Variants in TPX2 observed in about 807,000 individuals in gnomAD.
The protein encoded by TPX2 is targeting protein for Xklp2.
TPX2 carries 21 observed loss-of-function variants against 93.6 expected under a neutral mutation model. The ratio of observed to expected loss-of-function variants is 0.22; its 90% CI spans 0.16 to 0.32. The LOEUF is 0.32. Ranked by LOEUF, TPX2 falls within the 10% of genes least tolerant of loss-of-function variation. The probability of loss-of-function intolerance (pLI) is 1.00; values close to 1 mark genes in which losing one functional copy is unlikely to be tolerated. For missense variants in TPX2, 776 were observed against 871.1 expected (o/e 0.89, Z 1.37); for synonymous variants, 281 against 298.3 (o/e 0.94, Z 0.60).
intron 7 of TPX2, among the ~76,000 whole-genome samples, chr20:31,772,047 G>A (rs889761072): frequency 7.0e-6 from 1 of 142,232 alleles, no homozygotes; most frequent in Non-Finnish European, 1.5e-5. Flanking sequence ...TTGAGACAGA[G>A]GCTCACTCTG....
intron 2 of TPX2, among the ~76,000 whole-genome samples, chr20:31,744,469 A>G (rs528932045): frequency 2.6e-4 from 40 of 152,000 alleles, no homozygotes; most frequent in Non-Finnish European, 4.4e-4. Context: ...TAATTTTTTT[A>G]ACTTAATAAT....
At chr20:31,755,657 A>G (rs2061847429) in intron 2 of TPX2, among the ~76,000 whole-genome samples, 2 of 151,686 alleles carry the variant, frequency 1.3e-5, no homozygotes, top group South Asian at 4.2e-4. Context: ...CAGCTACTAG[A>G]GACTGAGGCA....
At chr20:31,774,740 G>C (rs1421887096) in intron 7 of TPX2, among the ~76,000 whole-genome samples, 1 of 152,094 alleles carries the variant, frequency 6.6e-6, no homozygotes, top group Admixed American at 6.6e-5. Flanking sequence ...TTAACCCTAG[G>C]TTGTAGATAC....
At chr20:31,784,738 G>A (rs919335916) in intron 12 of TPX2, among the ~76,000 whole-genome samples, 1 of 152,196 alleles carries the variant, frequency 6.6e-6, no homozygotes, top group Non-Finnish European at 1.5e-5. Context: ...GTTGTAGTTT[G>A]ATAATAGGCT....
intron 12 of TPX2, among the ~76,000 whole-genome samples, chr20:31,791,800 T>C (rs1336398947): frequency 1.3e-5 from 2 of 152,120 alleles, no homozygotes; most frequent in Admixed American, 1.3e-4. Flanking sequence ...TGGACACGAG[T>C]GTAACAAGAA....
Position 31,763,311 on chromosome 20 carries a change from C to T in TPX2, c.229+3132C>T, listed in dbSNP as rs373914040. 1.2e-4 allele frequency among the ~76,000 whole-genome samples: 18 copies of T among 152,076 alleles called. No individual in the cohort carries two copies. The East Asian group carries it at 1.5e-3, about 13-fold the overall frequency. ...TCTCCTGCCTCAGCCTCTGGAGTAG[C>T]TGGGATTACAGGCATCTGCCACCAC... is the stretch of plus-strand genomic sequence containing the variant. On this transcript the variant is annotated intron_variant, in intron 4 of 17. Coordinates refer to ENST00000300403, the MANE Select transcript of TPX2 (RefSeq NM_012112.5).
At chr20:31,789,409 G>A (rs1221542813) in intron 12 of TPX2, among the ~76,000 whole-genome samples, 1 of 152,038 alleles carries the variant, frequency 6.6e-6, no homozygotes, top group Non-Finnish European at 1.5e-5. Context: ...TATAAGACAC[G>A]GCCCTTGTCC....
Position 31,783,776 on chromosome 20 carries a change from C to T in TPX2, c.1268C>T (p.Pro423Leu), listed in dbSNP as rs1345654123. ...GGGCCCATCTTGCCCAAGAAACCAC[C>T]TGTGAAACCACCCACCGAGCCTATT... ...EGGPILPKKP[P>L]VKPPTEPIGF... Residue 423 changes from proline (P) to leucine (L), a missense_variant, in exon 12 of 18, where the codon CCT becomes CTT. Coordinates refer to ENST00000300403, the MANE Select transcript of TPX2 (RefSeq NM_012112.5). 23 of 1,613,406 alleles carry T rather than the reference C, an allele frequency of 1.4e-5. No homozygotes were observed. Among genetic ancestry groups the T allele is most frequent in the Non-Finnish European group, 1.9e-5 (23 of 1,179,806 alleles).
intron 10 of TPX2, 134 bp from the exon 11 acceptor site, chr20:31,782,115 A>G: frequency 1.7e-6 from 2 of 1,176,220 alleles, no homozygotes; most frequent in Non-Finnish European, 2.4e-6. Flanking sequence ...TGACCAATGT[A>G]AGCTGAGCTG....
chr20:31,770,586 G>T, intron 6 of TPX2, 115 bp downstream of exon 6: 1 of 1,003,116 alleles, frequency 1.0e-6, no homozygotes, highest in East Asian at 3.0e-5. Context: ...ATTAAAAATG[G>T]TACATCTGTA....
chr20:31,778,278 T>C (rs1228461511), intron 9 of TPX2, among the ~76,000 whole-genome samples: 1 of 152,194 alleles, frequency 6.6e-6, no homozygotes, highest in African/African-American at 2.4e-5. Context: ...TTATGCTTCT[T>C]TCTTTGAGAT....
Position 31,792,920 on chromosome 20 carries a change from AG to A in TPX2, c.1509+92del, listed in dbSNP as rs2062111860. On this transcript the variant is annotated intron_variant, in intron 13 of 17. Transcript: ENST00000300403. ...ATTTATTAATCTTAATGGAGTTCAA[AG>A]GCAACCACTCTTTTTTGGACTTGTC... 3.4e-6 allele frequency: 4 copies of A among 1,189,024 alleles called. No homozygotes were observed. The South Asian group carries it at 5.2e-5, about 15-fold the overall frequency. The allele number at this position is 1,189,024 out of a possible 1,614,324, so 73.7% of individuals were successfully genotyped here.
At chr20:31,747,145 A>G (rs1353691248) in intron 2 of TPX2, among the ~76,000 whole-genome samples, 1 of 152,098 alleles carries the variant, frequency 6.6e-6, no homozygotes, top group Non-Finnish European at 1.5e-5. Flanking sequence ...TTGTTTGAGA[A>G]GGAGTCTCGC....
chr20:31,782,968 T>G (rs940465274), intron 11 of TPX2, among the ~76,000 whole-genome samples: 2 of 150,834 alleles, frequency 1.3e-5, no homozygotes, highest in African/African-American at 4.9e-5. Flanking sequence ...AAGAACTTAC[T>G]TAGGATTTCA....
In TPX2 at chr20:31,766,797, T is replaced by A. The variant is rs1316021144; in HGVS notation, c.356+115T>A. On this transcript the variant is annotated intron_variant, in intron 5 of 17. Transcript: ENST00000300403. ...TGTTTATGGACACCTTTATGTTACT[T>A]TTTTTTTTTTTTTTTTTTTGAGACG... 2.2e-5 allele frequency: 7 copies of A among 318,374 alleles called. No homozygotes were observed. In the African/African-American group the frequency reaches 3.7e-4, roughly 17 times the overall value. The allele number at this position is 318,374 out of a possible 1,614,324, so 19.7% of individuals were successfully genotyped here. A position where few individuals can be genotyped will look rare whatever the true frequency, so the allele number is the denominator to read the frequency against.
chr20:31,745,512 G>A (rs2061778869), intron 2 of TPX2, among the ~76,000 whole-genome samples: 1 of 152,114 alleles, frequency 6.6e-6, no homozygotes, highest in African/African-American at 2.4e-5. Flanking sequence ...ATTTTTATTA[G>A]AGATGGGGTT....
At chr20:31,791,247 T>A (rs1046309767) in intron 12 of TPX2, among the ~76,000 whole-genome samples, 1 of 152,176 alleles carries the variant, frequency 6.6e-6, no homozygotes, top group Non-Finnish European at 1.5e-5. Flanking sequence ...AGGAATTTGT[T>A]ATGCTGTTGT....
At chr20:31,798,233 C>T in intron 16 of TPX2, 132 bp from the exon 17 acceptor site, 1 of 1,123,166 alleles carries the variant, frequency 8.9e-7, no homozygotes, top group Non-Finnish European at 1.3e-6. Context: ...CTCTACCTTT[C>T]TCCCAATGGG....
chr20:31,751,166 A>T (rs1221332418), intron 2 of TPX2, among the ~76,000 whole-genome samples: 1 of 152,108 alleles, frequency 6.6e-6, no homozygotes. Flanking sequence ...ACAGAGATGA[A>T]AAAGAAAGAA....
Sources: gnomAD v4.1 joint callset for allele counts (sites outside exome capture counted in the v4.1 genomes callset) on GRCh38, gnomAD v4.1.1 for gene constraint, MANE v1.5 for transcripts, NCBI Gene and HGNC (gene_info 2026-07-23, HGNC 2026-07-21) for gene names.